Variants in LHX2 observed in about 807,000 individuals in gnomAD.
LHX2 encodes the protein LIM/homeobox protein Lhx2.
LHX2 carries 6 observed loss-of-function variants against 33.0 expected under a neutral mutation model. The observed-to-expected ratio is 0.18, with a 90% confidence interval of 0.10 to 0.36. The LOEUF is 0.36. Among genes scored for constraint, LHX2 ranks in the 10% least tolerant of loss-of-function variants. The probability of loss-of-function intolerance (pLI) is 1.00; values close to 1 mark genes in which losing one functional copy is unlikely to be tolerated. For missense variants in LHX2, 442 were observed against 586.2 expected, an observed-to-expected ratio of 0.75 and a Z score of 2.54; for synonymous variants, 292 against 253.1, an observed-to-expected ratio of 1.15 and a Z score of -1.46.
chr9:124,017,717 G>T (rs1393457323), intron 3 of LHX2, among the ~76,000 whole-genome samples: 1 of 152,028 alleles, frequency 6.6e-6, no homozygotes, highest in Non-Finnish European at 1.5e-5. Context: ...TTACTGAAGG[G>T]CGGCGAGCTG....
At chr9:124,013,826 C>T (rs1320253819) in intron 1 of LHX2, 135 bp from the exon 2 acceptor site, 9 of 765,154 alleles carry the variant, frequency 1.2e-5, no homozygotes, top group Non-Finnish European at 1.9e-5. Flanking sequence ...GGAAGCGCGC[C>T]GCATGTCCTG....
intron 4 of LHX2, among the ~76,000 whole-genome samples, chr9:124,030,705 C>T (rs1357671693): frequency 1.4e-5 from 2 of 145,304 alleles, no homozygotes; most frequent in South Asian, 2.2e-4. Flanking sequence ...GATCTTGGCT[C>T]ACTGTATCCT....
In LHX2 at chr9:124,015,229, C is replaced by T; in HGVS notation, c.431C>T (p.Thr144Ile). The T allele has an allele frequency of 6.2e-7, 1 of 1,614,192 alleles. No individual in the cohort carries two copies. The highest frequency in any genetic ancestry group is 8.5e-7 in the Non-Finnish European group (1 of 1,180,046). The change falls in exon 3 of 5, where the codon ACC (threonine) becomes ATC (isoleucine). Residue 144 changes from threonine to isoleucine, a missense_variant. By Grantham distance (89) the Thr-to-Ile change is moderately conservative (BLOSUM62 -1). Around this residue, in one of 5 missense-constraint regions of LHX2, gnomAD observed 72 missense variants for 171.6 expected, o/e 0.42. Coordinates refer to ENST00000373615, the MANE Select transcript of LHX2 (RefSeq NM_004789.4). This position sits in a 1 kb window ranked among gnomAD's most constrained non-coding sequence, Gnocchi z 7.9. ...LVYHLNCFTC[T>I]TCNKMLTTGD... Reference sequence around the variant, plus strand: ...TATCACCTCAACTGCTTCACGTGCACCACGTGTAACAAGATGCTGACCACG... The same window carrying T: ...TATCACCTCAACTGCTTCACGTGCATCACGTGTAACAAGATGCTGACCACG...
At chr9:124,017,062 T>C (rs1416407060) in intron 3 of LHX2, among the ~76,000 whole-genome samples, 3 of 152,040 alleles carry the variant, frequency 2.0e-5, no homozygotes, top group African/African-American at 7.2e-5. Context: ...GGTACAGAGA[T>C]TTATTTCTGC....
At chr9:124,027,523 A>G (rs1828643860) in intron 4 of LHX2, among the ~76,000 whole-genome samples, 1 of 152,184 alleles carries the variant, frequency 6.6e-6, no homozygotes, top group Non-Finnish European at 1.5e-5. Flanking sequence ...TTTGCTTATA[A>G]AATGCCTGGC....
Position 124,015,005 on chromosome 9 carries a change from C to T in LHX2, c.324-117C>T. 3 of 1,171,610 alleles carry T rather than the reference C, an allele frequency of 2.6e-6. No individual in the cohort carries two copies. Among genetic ancestry groups the T allele is most frequent in the South Asian group, 1.4e-5 (1 of 69,192 alleles). The allele number at this position is 1,171,610 out of a possible 1,614,324, so 72.6% of individuals were successfully genotyped here. On this transcript the variant is annotated intron_variant, in intron 2 of 4. Coordinates refer to ENST00000373615, the MANE Select transcript of LHX2 (RefSeq NM_004789.4). The surrounding 1 kb of genome is among the most constrained non-coding windows in gnomAD (Gnocchi z 7.9). The stretch of plus-strand genomic sequence containing the variant: ...TCCCCCCCATCCTCCAAATAAAGGC[C>T]GGGTTGTTCGTCTTGAGGAGGGGAT...
At chr9:124,029,101 G>A (rs559058778) in intron 4 of LHX2, among the ~76,000 whole-genome samples, 2 of 151,760 alleles carry the variant, frequency 1.3e-5, no homozygotes, top group Non-Finnish European at 2.9e-5. Context: ...GACAGAGCAA[G>A]ACTCTGTCTC....
chr9:124,027,764 G>A (rs1376123384), intron 4 of LHX2, among the ~76,000 whole-genome samples: 1 of 152,140 alleles, frequency 6.6e-6, no homozygotes, highest in African/African-American at 2.4e-5. Context: ...GTTGCAGTGA[G>A]CTGAGATCGC....
In LHX2 at chr9:124,021,295, G is replaced by A. The variant is rs753804894; in HGVS notation, c.924G>A (p.Arg308=). Reference sequence around the variant, plus strand: ...CGCAAAAGACGGGCCTCACCAAGCGGGTCCTCCAGGTCAGCCAGGGCCAGG... The same window carrying A: ...CGCAAAAGACGGGCCTCACCAAGCGAGTCCTCCAGGTCAGCCAGGGCCAGG... ...QLAQKTGLTK[R]VLQVWFQNAR... Residue 308 remains arginine, a synonymous_variant, in exon 4 of 5, where the codon CGG becomes CGA. Transcript: ENST00000373615. 1 of 1,613,336 alleles carries A rather than the reference G, an allele frequency of 6.2e-7. No individual in the cohort carries two copies.
chr9:124,015,650 C>A lies in LHX2; in HGVS notation c.727+125C>A, dbSNP rs1859176198. ...GCGAGCCTTAAGCACCGGACGGCCT[C>A]GCAGAAGGGACATTAGCCCCCTGGG... On this transcript the variant is annotated intron_variant, in intron 3 of 4. Coordinates refer to ENST00000373615, the MANE Select transcript of LHX2 (RefSeq NM_004789.4). The surrounding 1 kb of genome is among the most constrained non-coding windows in gnomAD (Gnocchi z 7.9). The A allele has an allele frequency of 2.7e-6, 3 of 1,096,154 alleles. No homozygotes were observed. In the South Asian group the frequency reaches 5.5e-5, roughly 20 times the overall value. The allele number at this position is 1,096,154 out of a possible 1,614,324, so 67.9% of individuals were successfully genotyped here.
rs1361351373 is a variant in LHX2, at chr9:124,029,287, A to C, written c.934-3133A>C. Among the ~76,000 whole-genome samples, 3 of 152,236 alleles carry C rather than the reference A, an allele frequency of 2.0e-5. No homozygotes were observed. In the East Asian group the frequency reaches 5.8e-4, roughly 29 times the overall value. On this transcript the variant is annotated intron_variant, in intron 4 of 4. Transcript: ENST00000373615. ...TACATACATGTCAGCCATTCCTATGAATACATATTACTGATTCTTAATCTC... is the reference window on the plus strand; with the variant it reads ...TACATACATGTCAGCCATTCCTATGCATACATATTACTGATTCTTAATCTC...
rs114038604 is a variant in LHX2 at position 124,024,631 on chromosome 9, G to A, written c.933+3327G>A. Among the ~76,000 whole-genome samples the A allele has an allele frequency of 4.1e-3, 623 of 152,342 alleles. 3 individuals are homozygous for A. The highest frequency in any genetic ancestry group is 0.014 in the African/African-American group (594 of 41,564). ...TGACATACAGTATAATTTACAGAGT[G>A]TAGAGTCAGGACCCAGGCATGCTGA... On this transcript the variant is annotated intron_variant, in intron 4 of 4. Coordinates refer to ENST00000373615, the MANE Select transcript of LHX2 (RefSeq NM_004789.4).
At chr9:124,030,627 C>CTTTTTTTT (rs35399092) in intron 4 of LHX2, among the ~76,000 whole-genome samples, 1 of 105,600 alleles carries the variant, frequency 9.5e-6, no homozygotes, top group African/African-American at 4.0e-5. Context: ...TTTTTCTTTT[C>CTTTTTTTT]TTTTTTTTTT....
intron 4 of LHX2, among the ~76,000 whole-genome samples, chr9:124,026,107 G>A (rs1828616121): frequency 6.6e-6 from 1 of 152,174 alleles, no homozygotes. Flanking sequence ...CAGATATATT[G>A]ACCTGCCATG....
intron 3 of LHX2, among the ~76,000 whole-genome samples, chr9:124,019,838 G>A (rs902455666): frequency 6.6e-6 from 1 of 152,210 alleles, no homozygotes; most frequent in African/African-American, 2.4e-5. Flanking sequence ...CTTAAGTGTG[G>A]CATGGCTCGG....
At chr9:124,018,747 T>C (rs1397387756) in intron 3 of LHX2, among the ~76,000 whole-genome samples, 1 of 152,208 alleles carries the variant, frequency 6.6e-6, no homozygotes, top group African/African-American at 2.4e-5. Context: ...TCTTTTCCTC[T>C]GTCTGTCCTC....
chr9:124,015,611 G>A lies in LHX2; in HGVS notation c.727+86G>A. 7.3e-7 allele frequency: 1 copy of A among 1,374,628 alleles called. No homozygotes were observed. Among genetic ancestry groups the A allele is most frequent in the South Asian group, 1.5e-5 (1 of 64,610 alleles). The allele number at this position is 1,374,628 out of a possible 1,614,324, so 85.2% of individuals were successfully genotyped here. ...GCCGGGAGCTGGATTGAATCTCTGT[G>A]TGCTGGGCAAATAGCGAGCCTTAAG... On this transcript the variant is annotated intron_variant, in intron 3 of 4. Coordinates refer to ENST00000373615, the MANE Select transcript of LHX2 (RefSeq NM_004789.4). This position sits in a 1 kb window ranked among gnomAD's most constrained non-coding sequence, Gnocchi z 7.9.
intron 3 of LHX2, among the ~76,000 whole-genome samples, chr9:124,020,614 G>C (rs577795080): frequency 2.2e-4 from 34 of 152,254 alleles, no homozygotes; most frequent in African/African-American, 8.2e-4. Context: ...ACCCTGTCCT[G>C]CTGTGTCCAA....
At chr9:124,027,979 T>TG (rs1828653270) in intron 4 of LHX2, among the ~76,000 whole-genome samples, 1 of 152,220 alleles carries the variant, frequency 6.6e-6, no homozygotes, top group Non-Finnish European at 1.5e-5. Context: ...GGCTGTGTCA[T>TG]GACTCCCACT....
Sources: gnomAD v4.1 joint callset for allele counts (sites outside exome capture counted in the v4.1 genomes callset) on GRCh38, gnomAD v4.1.1 for gene constraint, gnomAD v4.1.1 regional missense constraint, Gnocchi (gnomAD v3.1) non-coding constraint, MANE v1.5 for transcripts, NCBI Gene and HGNC (gene_info 2026-07-23, HGNC 2026-07-21) for gene names.